C14orf39: variants seen among roughly 807,000 people sequenced by gnomAD.
C14orf39 encodes chromosome 14 open reading frame 39.
A neutral mutation model predicts 85.6 loss-of-function variants in C14orf39; 66 were observed. The observed-to-expected ratio is 0.77, with a 90% CI of 0.63 to 0.95. The LOEUF (loss-of-function observed/expected upper bound fraction) is 0.95, where lower values mean the gene tolerates loss of function less well. C14orf39 is among the 40% of genes least tolerant of loss of function. The pLI, the probability that C14orf39 is intolerant of heterozygous loss-of-function variation, is 0.00. For missense variants in C14orf39, 735 were observed against 663.9 expected (o/e 1.11, Z -1.18); for synonymous variants, 242 against 214.0 (o/e 1.13, Z -1.14).
chr14:60,511,429 T>A (rs1893293312), intron 1 of C14orf39: 1 of 718,346 alleles, frequency 1.4e-6, no homozygotes, highest in Admixed American at 2.2e-5. Flanking sequence ...CTGGCTTCAC[T>A]GGCGCCCTTT....
At chr14:60,464,442 T>C (rs938464269) in intron 11 of C14orf39, among the ~76,000 whole-genome samples, 2 of 152,146 alleles carry the variant, frequency 1.3e-5, no homozygotes, top group African/African-American at 2.4e-5. Flanking sequence ...CAATCAGTAC[T>C]CTTTTTGGAG....
At chr14:60,474,992 G>A (rs1892299338) in intron 5 of C14orf39, among the ~76,000 whole-genome samples, 1 of 152,174 alleles carries the variant, frequency 6.6e-6, no homozygotes, top group South Asian at 2.1e-4. Context: ...GCTCCTCCTT[G>A]TACCTCTGGT....
chr14:60,466,369 T>C (rs1891792296), intron 10 of C14orf39, among the ~76,000 whole-genome samples: 1 of 151,886 alleles, frequency 6.6e-6, no homozygotes, highest in Admixed American at 6.6e-5. Flanking sequence ...TATAATGTAT[T>C]AGGTTGGTGC....
At chr14:60,445,722 T>C (rs1019771538) in intron 16 of C14orf39, among the ~76,000 whole-genome samples, 1 of 152,208 alleles carries the variant, frequency 6.6e-6, no homozygotes, top group Non-Finnish European at 1.5e-5. Context: ...CTAATAGACA[T>C]CTACAGTACT....
chr14:60,458,033 G>T (rs1330264224), intron 14 of C14orf39, among the ~76,000 whole-genome samples: 1 of 151,864 alleles, frequency 6.6e-6, no homozygotes, highest in Non-Finnish European at 1.5e-5. Flanking sequence ...GGATACATGT[G>T]ATAATTTAAC....
rs1322882418 is a variant in C14orf39, at chr14:60,436,915, G to C, written c.1694C>G (p.Ser565Ter). Residue 565 changes from serine to a stop codon, truncating the protein, a stop_gained, in exon 18 of 18, where the codon TCA (serine) becomes TGA (stop). Transcript: ENST00000321731. LOFTEE classifies it high-confidence loss of function. ...ACCTTTTAAAGAAGAAGAAGGTATT[G>C]AATTTTGACCCTGTCCAAATGAAAA... ...FPFSFGQGQNSIPSSSLKGFS... is the reference protein window; with the variant it reads ...FPFSFGQGQN 1 of 1,612,424 alleles carries C rather than the reference G, an allele frequency of 6.2e-7. No homozygotes were observed. The highest frequency in any genetic ancestry group is 1.1e-5 in the South Asian group (1 of 91,016).
In C14orf39 at chr14:60,511,240, G is replaced by C. The variant is rs778051865; in HGVS notation, c.-144+4155C>G. 5 of 1,613,430 alleles carry C rather than the reference G, an allele frequency of 3.1e-6. No individual in the cohort carries two copies. The South Asian group carries it at 4.4e-5, about 14-fold the overall frequency. On this transcript the variant is annotated intron_variant, in intron 1 of 5. Coordinates refer to the C14orf39 transcript ENST00000556799. ...TCTCCATCACGTCCAGCGACAGCGAGTGCGACATCTGAGTTGCCCATCCAG... is the reference window on the plus strand; with the variant it reads ...TCTCCATCACGTCCAGCGACAGCGACTGCGACATCTGAGTTGCCCATCCAG...
At chr14:60,487,373 T>C (rs913230345), upstream of C14orf39, among the ~76,000 whole-genome samples, 2 of 152,174 alleles carry the variant, frequency 1.3e-5, no homozygotes, top group African/African-American at 2.4e-5. Context: ...TGAAGTCATA[T>C]AGTATTTGTC....
chr14:60,486,935 TTGTG>T (rs368209101), upstream of C14orf39, among the ~76,000 whole-genome samples: 1 of 152,170 alleles, frequency 6.6e-6, no homozygotes, highest in South Asian at 2.1e-4. Flanking sequence ...ATTTATTCTT[TTGTG>T]TGTGTGTGAA....
intron 1 of C14orf39, chr14:60,511,313 A>C: frequency 1.3e-6 from 2 of 1,553,146 alleles, no homozygotes; most frequent in Non-Finnish European, 1.8e-6. Flanking sequence ...AACAAAATGA[A>C]AGAGGGGAAG....
chr14:60,459,389 T>C (rs976946798), intron 13 of C14orf39, among the ~76,000 whole-genome samples: 2 of 151,712 alleles, frequency 1.3e-5, no homozygotes, highest in African/African-American at 2.4e-5. Flanking sequence ...TCTCTAGGTA[T>C]ATACCTAGGA....
chr14:60,459,745 C>A (rs1413927341), intron 13 of C14orf39, among the ~76,000 whole-genome samples: 1 of 151,656 alleles, frequency 6.6e-6, no homozygotes, highest in East Asian at 1.9e-4. Context: ...TGTTTATCTG[C>A]CACAAAAGAT....
chr14:60,486,901 T>C (rs535323074), upstream of C14orf39, among the ~76,000 whole-genome samples: 1 of 152,226 alleles, frequency 6.6e-6, no homozygotes, highest in Non-Finnish European at 1.5e-5. Flanking sequence ...ACTAACATGT[T>C]TTGATAATGT....
At chr14:60,479,832 C>CATTCAT (rs1296246083) in intron 4 of C14orf39, among the ~76,000 whole-genome samples, 1 of 152,080 alleles carries the variant, frequency 6.6e-6, no homozygotes. Flanking sequence ...GCCTAATGTT[C>CATTCAT]ATTCATATGG....
chr14:60,474,239 C>T (rs911364146), intron 5 of C14orf39, among the ~76,000 whole-genome samples: 3 of 152,118 alleles, frequency 2.0e-5, no homozygotes, highest in Admixed American at 6.5e-5. Flanking sequence ...GTGATTTTTG[C>T]ACATTGATTT....
At position 60,436,704 on chromosome 14, in the gene C14orf39, T is replaced by G. The variant is rs111835371; in HGVS notation, c.*141A>C. ...CCCAAAATATTCAGTATTTCAATAT[T>G]TCAATAAATATAATCAAATAATGTA... On this transcript the variant is annotated 3_prime_UTR_variant, in exon 18 of 18. Transcript: ENST00000321731. 7.1e-6 allele frequency: 4 copies of G among 563,990 alleles called. No individual in the cohort carries two copies. Among genetic ancestry groups the G allele is most frequent in the African/African-American group, 1.9e-5 (1 of 51,390 alleles). The allele number at this position is 563,990 out of a possible 1,614,324, so 34.9% of individuals were successfully genotyped here. A position where few individuals can be genotyped will look rare whatever the true frequency, so the allele number is the denominator to read the frequency against.
chr14:60,483,693 T>C lies in C14orf39; in HGVS notation c.231A>G (p.Arg77=). ...KHSEEIKDNC[R]NWKPTCDVFR... ...AATTGATTCTTTCAAATACTCACTT[T>C]CTACAGTTGTCTTTAATCTCCTCAC... The change falls in exon 4 of 18, where the codon AGA becomes AGG. Residue 77 remains arginine, a splice_region_variant and synonymous_variant. Transcript: ENST00000321731. 1 of 1,581,372 alleles carries C rather than the reference T, an allele frequency of 6.3e-7. No homozygotes were observed. The highest frequency in any genetic ancestry group is 8.6e-7 in the Non-Finnish European group (1 of 1,166,810).
intron 1 of C14orf39, among the ~76,000 whole-genome samples, chr14:60,506,172 G>C (rs146727296): frequency 4.3e-4 from 66 of 152,194 alleles, no homozygotes; most frequent in African/African-American, 1.5e-3. Context: ...CAATCTACTA[G>C]CTGCAAACCA....
At chr14:60,478,238 T>C in intron 5 of C14orf39, 62 bp downstream of exon 5, 1 of 615,904 alleles carries the variant, frequency 1.6e-6, no homozygotes, top group Admixed American at 3.4e-5. Context: ...CTGACATTCT[T>C]ACACACCATG....
Sources: gnomAD v4.1 joint callset for allele counts (sites outside exome capture counted in the v4.1 genomes callset) on GRCh38, gnomAD v4.1.1 for gene constraint, MANE v1.5 for transcripts, NCBI Gene and HGNC (gene_info 2026-07-23, HGNC 2026-07-21) for gene names.